The following NEDD9 variants were observed in gnomAD, a reference collection of about 807,000 sequenced individuals.
The protein encoded by NEDD9 is enhancer of filamentation 1.
Under a neutral mutation model 76.6 loss-of-function variants are expected in NEDD9, and 26 were observed. That is an observed-to-expected ratio of 0.34 (90% CI 0.25 to 0.47). The LOEUF (loss-of-function observed/expected upper bound fraction) is 0.47. Among genes scored for constraint, NEDD9 ranks in the 20% least tolerant of loss-of-function variants. The pLI is 1.00. For missense variants in NEDD9, 937 were observed against 1,058.5 expected, an observed-to-expected ratio of 0.89 and a Z score of 1.59; for synonymous variants, 392 against 414.2, an observed-to-expected ratio of 0.95 and a Z score of 0.65.
At chr6:11,233,966 A>G (rs572225428), upstream of NEDD9, among the ~76,000 whole-genome samples, 22 of 152,144 alleles carry the variant, frequency 1.4e-4, no homozygotes, top group Admixed American at 3.3e-4. Flanking sequence ...TGAAAACTCT[A>G]CTTTTATGAT....
At chr6:11,361,871 A>G (rs1217637671) in intron 1 of NEDD9, among the ~76,000 whole-genome samples, 1 of 152,108 alleles carries the variant, frequency 6.6e-6, no homozygotes, top group African/African-American at 2.4e-5. Flanking sequence ...GGTGTTCAAG[A>G]AGTAGGTGGT....
At chr6:11,192,932 CAAAAAA>C (rs71550759) in intron 3 of NEDD9, among the ~76,000 whole-genome samples, 27 of 28,152 alleles carry the variant, frequency 9.6e-4, no homozygotes, top group African/African-American at 4.1e-3. Flanking sequence ...GACTCTGTCT[CAAAAAA>C]AAAAAAAAAA....
chr6:11,263,907 T>G (rs1008140199), intron 3 of NEDD9, among the ~76,000 whole-genome samples: 1 of 152,208 alleles, frequency 6.6e-6, no homozygotes, highest in Non-Finnish European at 1.5e-5. Context: ...CAATAATCCA[T>G]GTAGATATCA....
At chr6:11,319,096 T>C (rs936994676) in intron 2 of NEDD9, among the ~76,000 whole-genome samples, 1 of 152,258 alleles carries the variant, frequency 6.6e-6, no homozygotes, top group Non-Finnish European at 1.5e-5. Context: ...ACAACTTTAT[T>C]TGTGGTTGTG....
intron 1 of NEDD9, among the ~76,000 whole-genome samples, chr6:11,355,529 T>TGAAC (rs1378740787): frequency 2.0e-5 from 3 of 152,142 alleles, no homozygotes; most frequent in Non-Finnish European, 4.4e-5. Flanking sequence ...GTTTTAAAAC[T>TGAAC]GAACGCTCTA....
chr6:11,350,187 C>A (rs1582043344), intron 1 of NEDD9, among the ~76,000 whole-genome samples: 1 of 152,338 alleles, frequency 6.6e-6, no homozygotes, highest in East Asian at 1.9e-4. Context: ...TATCTCCAAT[C>A]TTTTCATGTA....
intron 3 of NEDD9, among the ~76,000 whole-genome samples, chr6:11,242,445 G>C (rs1188722396): frequency 6.6e-6 from 1 of 152,068 alleles, no homozygotes; most frequent in East Asian, 1.9e-4. Context: ...TCTTAGGAGG[G>C]GTGGAGAGTA....
intron 3 of NEDD9, among the ~76,000 whole-genome samples, chr6:11,281,511 G>A (rs760041705): frequency 8.5e-5 from 13 of 152,104 alleles, no homozygotes; most frequent in Non-Finnish European, 1.3e-4. Flanking sequence ...CAGTCCCCCC[G>A]TTTTTTCTTT....
chr6:11,285,218 T>C (rs767297713), intron 3 of NEDD9, among the ~76,000 whole-genome samples: 7 of 152,196 alleles, frequency 4.6e-5, no homozygotes, highest in Non-Finnish European at 7.3e-5. Context: ...AATTGATCAT[T>C]TTCCTGACAG....
intron 3 of NEDD9, among the ~76,000 whole-genome samples, chr6:11,265,905 A>G (rs571956189): frequency 1.3e-4 from 20 of 152,222 alleles, no homozygotes; most frequent in Admixed American, 1.3e-3. Flanking sequence ...AACTGAGGCC[A>G]TTATCTTAAG....
At chr6:11,214,805 A>G (rs900303096) in intron 1 of NEDD9, among the ~76,000 whole-genome samples, 1 of 152,184 alleles carries the variant, frequency 6.6e-6, no homozygotes, top group African/African-American at 2.4e-5. Flanking sequence ...CTAAAAGTGA[A>G]CTCTAATGCT....
In NEDD9 at chr6:11,213,155, A is replaced by T; in HGVS notation, c.459+126T>A. 1 of 857,652 alleles carries T rather than the reference A, an allele frequency of 1.2e-6. No homozygotes were observed. Among genetic ancestry groups the T allele is most frequent in the Non-Finnish European group, 1.8e-6 (1 of 560,898 alleles). 53.1% of individuals were successfully genotyped at this position (857,652 alleles called of 1,614,324 possible). Reference sequence around the variant, plus strand: ...ATCATGCAAACATGATGCCTGAGCTAAGGTATTGGTTATATCTACTTCTTG... The same window carrying T: ...ATCATGCAAACATGATGCCTGAGCTTAGGTATTGGTTATATCTACTTCTTG... On this transcript the variant is annotated intron_variant, in intron 2 of 6. Transcript: ENST00000379446. The surrounding 1 kb of genome is among the most constrained non-coding windows in gnomAD (Gnocchi z 5.4).
At chr6:11,216,467 A>G (rs9357087) in intron 1 of NEDD9, among the ~76,000 whole-genome samples, 127,070 of 152,212 alleles carry the variant, frequency 0.83, 53,093 homozygotes, top group South Asian at 0.89. Flanking sequence ...AGACCACACT[A>G]TTGGCAGCGA....
rs905408714 is a variant in NEDD9 at position 11,370,458 on chromosome 6, G to C, written c.-214+11681C>G. Among the ~76,000 whole-genome samples the C allele has an allele frequency of 2.0e-5, 3 of 152,110 alleles. No individual in the cohort carries two copies. The highest frequency in any genetic ancestry group is 6.5e-5 in the Admixed American group (1 of 15,272). On this transcript the variant is annotated intron_variant, in intron 1 of 3. Transcript: ENST00000397378. This position sits in a 1 kb window ranked among gnomAD's most constrained non-coding sequence, Gnocchi z 4.2. ...CGGCTGGAGGACGGCTCCCACCCCT[G>C]TCCTCCCAAGACCTGCATTCCAGTC... is the stretch of plus-strand genomic sequence containing the variant.
intron 1 of NEDD9, among the ~76,000 whole-genome samples, chr6:11,368,996 C>T (rs1056240359): frequency 6.6e-6 from 1 of 152,196 alleles, no homozygotes; most frequent in African/African-American, 2.4e-5. Context: ...AGGTAGGGCT[C>T]TTATTACCTC....
In NEDD9 at chr6:11,263,131, G is replaced by T. The variant is rs535768384; in HGVS notation, c.12+42861C>A. 9.2e-5 allele frequency among the ~76,000 whole-genome samples: 14 copies of T among 152,198 alleles called. No individual in the cohort carries two copies. In the East Asian group the frequency reaches 2.5e-3, roughly 27 times the overall value. ...TTTATTTCAAAGCTATTAAATATACGTTCGATGCAGGGGATATGTTCCAGA... is the reference window on the plus strand; with the variant it reads ...TTTATTTCAAAGCTATTAAATATACTTTCGATGCAGGGGATATGTTCCAGA... On this transcript the variant is annotated intron_variant, in intron 3 of 3. Coordinates refer to the NEDD9 transcript ENST00000397378.
At chr6:11,347,086 G>A (rs1023314169) in intron 1 of NEDD9, among the ~76,000 whole-genome samples, 2 of 152,090 alleles carry the variant, frequency 1.3e-5, no homozygotes, top group Admixed American at 6.6e-5. Flanking sequence ...TTCACCTCAG[G>A]TCCTTGTGTT....
chr6:11,355,094 C>G (rs1330933321), intron 1 of NEDD9, among the ~76,000 whole-genome samples: 3 of 152,104 alleles, frequency 2.0e-5, no homozygotes, highest in African/African-American at 7.2e-5. Context: ...ACAGTAGGTG[C>G]CATAGCAAAC....
intron 1 of NEDD9, among the ~76,000 whole-genome samples, chr6:11,347,743 C>G (rs1490744248): frequency 6.6e-6 from 1 of 152,156 alleles, no homozygotes; most frequent in African/African-American, 2.4e-5. Flanking sequence ...AATTCAACAT[C>G]CCTTCATGTT....
Sources: allele counts gnomAD v4.1 joint callset (sites outside exome capture counted in the v4.1 genomes callset), GRCh38; gene constraint gnomAD v4.1.1; non-coding constraint Gnocchi (gnomAD v3.1); transcripts MANE v1.5; gene names NCBI Gene and HGNC (gene_info 2026-07-23, HGNC 2026-07-21).